The following NSUN3 variants were observed in gnomAD, a reference collection of about 807,000 sequenced individuals.
NSUN3 encodes the protein NOP2/Sun RNA methyltransferase 3.
A neutral mutation model predicts 36.8 loss-of-function variants in NSUN3; 24 were observed. The ratio of observed to expected loss-of-function variants is 0.65; its 90% CI spans 0.47 to 0.92. The LOEUF (loss-of-function observed/expected upper bound fraction) is 0.92. NSUN3 is among the 40% of genes least tolerant of loss of function. The probability of loss-of-function intolerance (pLI) is 0.00; values close to 1 mark genes in which losing one functional copy is unlikely to be tolerated. For missense variants in NSUN3, 381 were observed against 392.8 expected, an observed-to-expected ratio of 0.97 and a Z score of 0.25; for synonymous variants, 146 against 145.2, an observed-to-expected ratio of 1.01 and a Z score of -0.04.
In NSUN3 at chr3:94,074,224, T is replaced by G. The variant is rs1002507577; in HGVS notation, c.122+9678T>G. On this transcript the variant is annotated intron_variant, in intron 2 of 5. Transcript: ENST00000314622. ...TGTAGCCTTGTAGTATAGTTTGAAG[T>G]CAGGTAGCATGATGCCTCCAGCTTT... Among the ~76,000 whole-genome samples, 3 of 152,330 alleles carry G rather than the reference T, an allele frequency of 2.0e-5. No homozygotes were observed. In the South Asian group the frequency reaches 6.2e-4, roughly 32 times the overall value.
At position 94,084,319 on chromosome 3, in the gene NSUN3, A is replaced by C. The variant is rs972684826; in HGVS notation, c.335A>C (p.Lys112Thr). Residue 112 changes from lysine to threonine, a missense_variant, in exon 3 of 6, where the codon AAA becomes ACA. By Grantham distance (78) the Lys-to-Thr change is moderately conservative. Coordinates refer to ENST00000314622, the MANE Select transcript of NSUN3 (RefSeq NM_022072.5). ...SERHQIGNLKKYYLLNAASLL... is the reference protein window; with the variant it reads ...SERHQIGNLKTYYLLNAASLL... Reference sequence around the variant, plus strand: ...AGACACCAAATTGGAAACCTGAAAAAATATTATCTCCTAAATGCTGCTTCT... The same window carrying C: ...AGACACCAAATTGGAAACCTGAAAACATATTATCTCCTAAATGCTGCTTCT... The C allele has an allele frequency of 1.9e-6, 3 of 1,614,118 alleles. No homozygotes were observed. In the Admixed American group the frequency reaches 5.0e-5, roughly 27 times the overall value.
At chr3:94,094,714 A>C (rs1560035484) in intron 4 of NSUN3, among the ~76,000 whole-genome samples, 1 of 152,214 alleles carries the variant, frequency 6.6e-6, no homozygotes, top group Non-Finnish European at 1.5e-5. Context: ...ATGTCTGATT[A>C]CAATGAGTAA....
chr3:94,066,241 T>G (rs2077203832), intron 2 of NSUN3, among the ~76,000 whole-genome samples: 1 of 152,198 alleles, frequency 6.6e-6, no homozygotes, highest in Non-Finnish European at 1.5e-5. Flanking sequence ...GCCTTCTGCT[T>G]CATTTACCCT....
At chr3:94,116,620 T>TTAACTAGTTTTATCATAC (rs1347571756) in intron 5 of NSUN3, among the ~76,000 whole-genome samples, 1 of 152,234 alleles carries the variant, frequency 6.6e-6, no homozygotes, top group African/African-American at 2.4e-5. Context: ...AACTATGTGG[T>TTAACTAGTTTTATCATAC]TAACTAGTTT....
Position 94,094,227 on chromosome 3 carries a change from A to T in NSUN3, c.554A>T (p.Asn185Ile), listed in dbSNP as rs137864094. 12 of 1,613,564 alleles carry T rather than the reference A, an allele frequency of 7.4e-6. No individual in the cohort carries two copies. The African/African-American group carries it at 1.1e-4, about 14-fold the overall frequency. ...LESFIPQPLINVIKVSELDGR... is the reference protein window; with the variant it reads ...LESFIPQPLIIVIKVSELDGR... The stretch of plus-strand genomic sequence containing the variant: ...TCTTTCATCCCACAGCCTTTGATAA[A>T]TGTAATTAAAGTGTCTGAATTGGAT... The change falls in exon 4 of 6, where the codon AAT becomes ATT. Residue 185 changes from asparagine to isoleucine, a missense_variant. Asn to Ile is a moderately radical substitution (Grantham distance 149). Transcript: ENST00000314622.
intron 5 of NSUN3, among the ~76,000 whole-genome samples, chr3:94,125,573 A>T (rs1261678648): frequency 6.6e-6 from 1 of 152,222 alleles, no homozygotes; most frequent in African/African-American, 2.4e-5. Flanking sequence ...CTTCTTATGT[A>T]TGCTTTCATA....
At chr3:94,081,148 C>T (rs373591237) in intron 2 of NSUN3, among the ~76,000 whole-genome samples, 5 of 152,126 alleles carry the variant, frequency 3.3e-5, no homozygotes, top group Non-Finnish European at 7.4e-5. Context: ...CATGGCTTCC[C>T]TTGGGTAGGG....
intron 5 of NSUN3, among the ~76,000 whole-genome samples, chr3:94,110,433 A>G (rs899754063): frequency 6.6e-6 from 1 of 151,866 alleles, no homozygotes; most frequent in Non-Finnish European, 1.5e-5. Flanking sequence ...GTGAGGCCCA[A>G]ATTGCTGAAT....
chr3:94,096,519 G>T (rs143720867), intron 5 of NSUN3, among the ~76,000 whole-genome samples: 618 of 152,020 alleles, frequency 4.1e-3, no homozygotes, highest in Non-Finnish European at 6.7e-3. Flanking sequence ...TGTTTTTTGA[G>T]ATAGAGTCTT....
At chr3:94,090,459 A>C (rs2077310021) in intron 3 of NSUN3, among the ~76,000 whole-genome samples, 1 of 152,188 alleles carries the variant, frequency 6.6e-6, no homozygotes, top group African/African-American at 2.4e-5. Flanking sequence ...CCTGATCTTC[A>C]GTCGTAATAA....
At chr3:94,106,038 T>A (rs993883639) in intron 5 of NSUN3, among the ~76,000 whole-genome samples, 4 of 152,286 alleles carry the variant, frequency 2.6e-5, no homozygotes, top group African/African-American at 9.6e-5. Flanking sequence ...AGTGGAGCAG[T>A]TTTAATCCCT....
At chr3:94,075,122 A>T (rs1410845754) in intron 2 of NSUN3, among the ~76,000 whole-genome samples, 1 of 151,842 alleles carries the variant, frequency 6.6e-6, no homozygotes, top group Non-Finnish European at 1.5e-5. Flanking sequence ...TTTTTCAAGG[A>T]TTAATTTAAT....
intron 5 of NSUN3, among the ~76,000 whole-genome samples, chr3:94,109,065 G>T (rs2077404559): frequency 6.6e-6 from 1 of 152,212 alleles, no homozygotes; most frequent in Non-Finnish European, 1.5e-5. Context: ...TTTTCAAGCA[G>T]CTAAAAATTT....
At chr3:94,102,222 A>AC (rs1338827690) in intron 5 of NSUN3, among the ~76,000 whole-genome samples, 1 of 151,294 alleles carries the variant, frequency 6.6e-6, no homozygotes, top group Non-Finnish European at 1.5e-5. Context: ...AAAAAAAAAA[A>AC]AAACACTAAC....
At position 94,130,081 on chromosome 3, in the gene NSUN3, A is replaced by G. The variant is rs2077503850; in HGVS notation, c.*3591A>G. 6.6e-6 allele frequency among the ~76,000 whole-genome samples: 1 copy of G among 152,092 alleles called. No homozygotes were observed. The highest frequency in any genetic ancestry group is 1.5e-5 in the Non-Finnish European group (1 of 68,018). ...TATGTTGTCTTTATTGATGCTTAAAACAAACTCAGGAATAAGTATTATAAC... is the reference window on the plus strand; with the variant it reads ...TATGTTGTCTTTATTGATGCTTAAAGCAAACTCAGGAATAAGTATTATAAC... On this transcript the variant is annotated 3_prime_UTR_variant, in exon 6 of 6. Transcript: ENST00000314622.
At chr3:94,123,120 G>C (rs2077471110) in intron 5 of NSUN3, among the ~76,000 whole-genome samples, 1 of 151,986 alleles carries the variant, frequency 6.6e-6, no homozygotes, top group Non-Finnish European at 1.5e-5. Flanking sequence ...TCAGTTTTCA[G>C]TCATTTCATC....
Position 94,095,013 on chromosome 3 carries a change from C to T in NSUN3, c.622-20C>T. On this transcript the variant is annotated intron_variant, in intron 4 of 5. Transcript: ENST00000314622. ...AGATTGTCAGTGCATATTTGCATCA[C>T]TTGTCTTTTTTTTCTCTAGGTGTTA... 1.2e-6 allele frequency: 2 copies of T among 1,612,878 alleles called. No homozygotes were observed. Among genetic ancestry groups the T allele is most frequent in the Non-Finnish European group, 1.7e-6 (2 of 1,179,180 alleles).
chr3:94,109,826 A>G (rs373014838), intron 5 of NSUN3, among the ~76,000 whole-genome samples: 1 of 152,194 alleles, frequency 6.6e-6, no homozygotes, highest in African/African-American at 2.4e-5. Flanking sequence ...TGACGATTAC[A>G]TAGCAAAGTT....
intron 5 of NSUN3, among the ~76,000 whole-genome samples, chr3:94,122,867 A>G (rs1306428405): frequency 6.6e-6 from 1 of 152,166 alleles, no homozygotes; most frequent in Admixed American, 6.5e-5. Context: ...CTGTAACAAT[A>G]GTAAGTTTGG....
Sources: gnomAD v4.1 joint callset for allele counts (sites outside exome capture counted in the v4.1 genomes callset) on GRCh38, gnomAD v4.1.1 for gene constraint, MANE v1.5 for transcripts, NCBI Gene and HGNC (gene_info 2026-07-23, HGNC 2026-07-21) for gene names.